The following BMP7 variants were observed in gnomAD, a reference collection of about 807,000 sequenced individuals.
BMP7 encodes the protein osteogenic protein 1.
BMP7 carries 12 observed loss-of-function variants against 41.2 expected under a neutral mutation model. That is an observed-to-expected ratio of 0.29 (90% CI 0.19 to 0.47). The LOEUF (loss-of-function observed/expected upper bound fraction) is 0.47, where lower values mean the gene tolerates loss of function less well. BMP7 is among the 20% of genes least tolerant of loss of function. BMP7 has a pLI of 0.99. For synonymous variants in BMP7, 248 were observed against 250.0 expected (o/e 0.99, Z 0.07); for missense variants, 467 against 606.0 (o/e 0.77, Z 2.41).
intron 1 of BMP7, among the ~76,000 whole-genome samples, chr20:57,246,437 C>A (rs1477361667): frequency 6.6e-6 from 1 of 152,210 alleles, no homozygotes; most frequent in African/African-American, 2.4e-5. Flanking sequence ...CTCCTGCCCT[C>A]ATGTGAGACT....
At chr20:57,189,977 G>A (rs1984311683) in intron 3 of BMP7, among the ~76,000 whole-genome samples, 1 of 152,216 alleles carries the variant, frequency 6.6e-6, no homozygotes, top group African/African-American at 2.4e-5. Flanking sequence ...AGGGCAGAGT[G>A]AGCCATGGGA....
chr20:57,232,428 G>C (rs1202457653), intron 1 of BMP7, among the ~76,000 whole-genome samples: 2 of 152,152 alleles, frequency 1.3e-5, no homozygotes, highest in Middle Eastern at 3.2e-3. Flanking sequence ...AAAAAAAAGT[G>C]CAATAGACCG....
At chr20:57,253,599 C>T (rs2066122654) in intron 1 of BMP7, among the ~76,000 whole-genome samples, 1 of 152,118 alleles carries the variant, frequency 6.6e-6, no homozygotes, top group African/African-American at 2.4e-5. Flanking sequence ...TCATACTGAA[C>T]AGGCTCTAGG....
intron 4 of BMP7, among the ~76,000 whole-genome samples, chr20:57,183,048 G>A (rs1229028764): frequency 6.6e-6 from 1 of 152,044 alleles, no homozygotes; most frequent in African/African-American, 2.4e-5. Context: ...CGGCCTGACC[G>A]ACATGGTGAA....
At chr20:57,197,532 T>C (rs1020115620) in intron 3 of BMP7, among the ~76,000 whole-genome samples, 29 of 73,106 alleles carry the variant, frequency 4.0e-4, no homozygotes, top group African/African-American at 1.6e-3. Context: ...CACAATCCTC[T>C]GGCCAAAGCC....
chr20:57,232,326 T>TA (rs2066032416), intron 1 of BMP7, among the ~76,000 whole-genome samples: 1 of 152,102 alleles, frequency 6.6e-6, no homozygotes, highest in African/African-American at 2.4e-5. Flanking sequence ...TTACAGGGCC[T>TA]CTAAAACAAT....
chr20:57,265,645 C>T, intron 1 of BMP7, 60 bp downstream of exon 1: 1 of 1,553,892 alleles, frequency 6.4e-7, no homozygotes, highest in East Asian at 2.4e-5. Context: ...GCGGCTCCCT[C>T]CCTCCCAGTC....
At chr20:57,233,340 A>G (rs2066035976) in intron 1 of BMP7, among the ~76,000 whole-genome samples, 1 of 152,240 alleles carries the variant, frequency 6.6e-6, no homozygotes, top group Non-Finnish European at 1.5e-5. Flanking sequence ...CCCCAAGACC[A>G]AAAGATAAGT....
intron 4 of BMP7, among the ~76,000 whole-genome samples, chr20:57,180,995 C>G (rs1383489821): frequency 1.3e-5 from 2 of 152,204 alleles, no homozygotes; most frequent in East Asian, 3.8e-4. Context: ...CTCGCCAGGA[C>G]CTTTCTCAAT....
At chr20:57,264,612 C>T (rs886945580) in intron 1 of BMP7, among the ~76,000 whole-genome samples, 8 of 152,328 alleles carry the variant, frequency 5.3e-5, no homozygotes, top group African/African-American at 1.9e-4. Flanking sequence ...CCAGCCGCCC[C>T]CGCGGCGTCA....
intron 1 of BMP7, among the ~76,000 whole-genome samples, chr20:57,252,498 G>A (rs561355466): frequency 1.1e-4 from 17 of 152,188 alleles, no homozygotes; most frequent in African/African-American, 4.1e-4. Flanking sequence ...AGGAACGTCC[G>A]AAGATAAAAA....
chr20:57,174,549 G>T lies in BMP7; in HGVS notation c.1035+382C>A, dbSNP rs189113324. Among the ~76,000 whole-genome samples the T allele has an allele frequency of 6.6e-6, 1 of 152,118 alleles. No homozygotes were observed. The highest frequency in any genetic ancestry group is 1.9e-4 in the East Asian group (1 of 5,178). On this transcript the variant is annotated intron_variant, in intron 5 of 6. Coordinates refer to ENST00000395863, the MANE Select transcript of BMP7 (RefSeq NM_001719.3). The surrounding 1 kb of genome is among the most constrained non-coding windows in gnomAD (Gnocchi z 4.3). ...CAAGCTGGGCAGATCCGTCCCTCCC[G>T]TGGGAATGGGAATGGGGTAAATGAA...
At chr20:57,199,593 G>T (rs1191436414) in intron 3 of BMP7, among the ~76,000 whole-genome samples, 1 of 152,080 alleles carries the variant, frequency 6.6e-6, no homozygotes, top group East Asian at 1.9e-4. Flanking sequence ...TGTGCAGTTT[G>T]CCCCCTAGGG....
At chr20:57,238,597 A>G (rs939430172) in intron 1 of BMP7, among the ~76,000 whole-genome samples, 108 of 151,966 alleles carry the variant, frequency 7.1e-4, no homozygotes, top group African/African-American at 2.4e-3. Flanking sequence ...CAATTTCTCC[A>G]CATGTCCACC....
Position 57,214,186 on chromosome 20 carries a change from A to T in BMP7, c.612-11563T>A, listed in dbSNP as rs1047912317. Among the ~76,000 whole-genome samples the T allele has an allele frequency of 1.3e-5, 2 of 151,950 alleles. No homozygotes were observed. The highest frequency in any genetic ancestry group is 3.9e-4 in the East Asian group (2 of 5,178). On this transcript the variant is annotated intron_variant, in intron 2 of 6. Transcript: ENST00000395863. This position sits in a 1 kb window ranked among gnomAD's most constrained non-coding sequence, Gnocchi z 4.0. ...AGATATGCAGGTAGTGAATGGAACC[A>T]CCCCAGAGCCTTGTTCCAGCAAAGT...
chr20:57,189,440 A>C (rs1290818804), intron 3 of BMP7, among the ~76,000 whole-genome samples: 4 of 152,358 alleles, frequency 2.6e-5, no homozygotes. Context: ...AGGTGGGGGC[A>C]GCAGAAGCAA....
At chr20:57,226,028 G>T in intron 2 of BMP7, 1 of 452,904 alleles carries the variant, frequency 2.2e-6, no homozygotes. Flanking sequence ...GCACTAGAAT[G>T]GGCACCCCCA....
At chr20:57,188,274 G>A (rs78752314) in intron 3 of BMP7, among the ~76,000 whole-genome samples, 3,656 of 152,236 alleles carry the variant, frequency 0.024, 53 homozygotes, top group Middle Eastern at 0.1. Context: ...GCCATAAAAA[G>A]GAGTCATTTT....
rs187535838 is a variant in BMP7 at position 57,247,391 on chromosome 20, A to C, written c.418+18314T>G. On this transcript the variant is annotated intron_variant, in intron 1 of 6. Transcript: ENST00000395863. ...GATGGCTGCTGTGGTTCCAAGCAAC[A>C]TGTCTTCACAAAACCACATTCAAGG... 5.9e-5 allele frequency among the ~76,000 whole-genome samples: 9 copies of C among 152,330 alleles called. No homozygotes were observed. The East Asian group carries it at 1.7e-3, about 29-fold the overall frequency.
Sources: allele counts gnomAD v4.1 joint callset (sites outside exome capture counted in the v4.1 genomes callset), GRCh38; gene constraint gnomAD v4.1.1; non-coding constraint Gnocchi (gnomAD v3.1); transcripts MANE v1.5; gene names NCBI Gene and HGNC (gene_info 2026-07-23, HGNC 2026-07-21).